CLASP2: variants seen among roughly 807,000 people sequenced by gnomAD.
CLASP2 encodes cytoplasmic linker associated protein 2, also known as CLIP-associating protein 2.
CLASP2 carries 47 observed loss-of-function variants against 194.4 expected under a neutral mutation model. That is an observed-to-expected ratio of 0.24 (90% CI 0.19 to 0.31). CLASP2 has a LOEUF of 0.31. Among genes scored for constraint, CLASP2 ranks in the 10% least tolerant of loss-of-function variants. The pLI, the probability that CLASP2 is intolerant of heterozygous loss-of-function variation, is 1.00. For synonymous variants in CLASP2, 619 were observed against 633.5 expected (o/e 0.98, Z 0.34); for missense variants, 1,445 against 1,823.6 (o/e 0.79, Z 3.78).
intron 11 of CLASP2, among the ~76,000 whole-genome samples, chr3:33,621,687 G>A (rs2077136491): frequency 6.6e-6 from 1 of 152,130 alleles, no homozygotes; most frequent in African/African-American, 2.4e-5. Context: ...GTAATAAATA[G>A]AAGTTCTATC....
At chr3:33,540,793 G>A (rs548518744) in intron 32 of CLASP2, among the ~76,000 whole-genome samples, 2 of 136,198 alleles carry the variant, frequency 1.5e-5, no homozygotes, top group South Asian at 4.6e-4. Context: ...TTTTTTTTGA[G>A]ACGGAGCCTT....
intron 6 of CLASP2, among the ~76,000 whole-genome samples, chr3:33,674,006 A>T (rs897225675): frequency 2.0e-5 from 3 of 152,130 alleles, no homozygotes; most frequent in African/African-American, 7.2e-5. Context: ...AGACTTTAAC[A>T]CCCCACTGTC....
chr3:33,629,480 A>G (rs917837608), intron 9 of CLASP2, among the ~76,000 whole-genome samples: 2 of 152,196 alleles, frequency 1.3e-5, no homozygotes, highest in Admixed American at 6.5e-5. Context: ...CTTATTTACT[A>G]AAGTAAGGGG....
At chr3:33,703,321 T>A (rs1180676135) in intron 1 of CLASP2, among the ~76,000 whole-genome samples, 1 of 152,110 alleles carries the variant, frequency 6.6e-6, no homozygotes, top group Non-Finnish European at 1.5e-5. Flanking sequence ...AAAAAAGATG[T>A]AAGATATATA....
At chr3:33,635,106 A>C (rs1016366022) in intron 8 of CLASP2, among the ~76,000 whole-genome samples, 1 of 151,688 alleles carries the variant, frequency 6.6e-6, no homozygotes, top group Non-Finnish European at 1.5e-5. Flanking sequence ...ACCAAAAAAA[A>C]AAACCCAGCC....
At chr3:33,558,425 A>G (rs1053497460) in intron 29 of CLASP2, 28 of 152,206 alleles carry the variant, frequency 1.8e-4, no homozygotes, top group African/African-American at 6.8e-4. Context: ...TATTTCGTGC[A>G]GGATAGAGCA....
intron 8 of CLASP2, among the ~76,000 whole-genome samples, chr3:33,640,047 G>C (rs2081001360): frequency 6.6e-6 from 1 of 152,078 alleles, no homozygotes; most frequent in South Asian, 2.1e-4. Flanking sequence ...CCTTTAAGGT[G>C]AAAATCTTCT....
At chr3:33,561,225 A>C (rs1241333866) in intron 27 of CLASP2, among the ~76,000 whole-genome samples, 2 of 152,236 alleles carry the variant, frequency 1.3e-5, no homozygotes, top group Non-Finnish European at 2.9e-5. Flanking sequence ...AAGTTTGGCC[A>C]TAATGGCTGG....
intron 21 of CLASP2, 57 bp downstream of exon 21, chr3:33,592,338 C>T: frequency 8.1e-7 from 1 of 1,228,968 alleles, no homozygotes; most frequent in Non-Finnish European, 1.2e-6. Flanking sequence ...AATACAAAAG[C>T]AACACACTTA....
chr3:33,659,118 T>A, intron 7 of CLASP2: 1 of 1,449,294 alleles, frequency 6.9e-7, no homozygotes. Context: ...GACCCAGGCC[T>A]CGCTGCAGCT....
At chr3:33,686,086 C>T (rs1318113427) in intron 5 of CLASP2, among the ~76,000 whole-genome samples, 1 of 152,124 alleles carries the variant, frequency 6.6e-6, no homozygotes, top group Non-Finnish European at 1.5e-5. Flanking sequence ...TTCCCTTGCA[C>T]AGCTCATTGT....
At chr3:33,638,295 T>G (rs1039990665) in intron 8 of CLASP2, among the ~76,000 whole-genome samples, 2 of 152,070 alleles carry the variant, frequency 1.3e-5, no homozygotes, top group Non-Finnish European at 2.9e-5. Flanking sequence ...ATTCTTTTTA[T>G]TTTTTTATTT....
intron 1 of CLASP2, among the ~76,000 whole-genome samples, chr3:33,714,252 C>T (rs2093179098): frequency 6.6e-6 from 1 of 152,056 alleles, no homozygotes; most frequent in Non-Finnish European, 1.5e-5. Context: ...TTTGAGAACT[C>T]CTGAAATTGC....
At chr3:33,660,362 A>C (rs750439050) in intron 7 of CLASP2, among the ~76,000 whole-genome samples, 2 of 152,218 alleles carry the variant, frequency 1.3e-5, no homozygotes, top group Non-Finnish European at 2.9e-5. Flanking sequence ...TACTGCATTT[A>C]GGGACTCTGC....
rs2069067833 is a variant in CLASP2 at position 33,592,621 on chromosome 3, G to T, written c.1967-125C>A. 6 of 780,218 alleles carry T rather than the reference G, an allele frequency of 7.7e-6. No individual in the cohort carries two copies. The South Asian group carries it at 9.4e-5, about 12-fold the overall frequency. The allele number at this position is 780,218 out of a possible 1,614,324, so 48.3% of individuals were successfully genotyped here. A position where few individuals can be genotyped will look rare whatever the true frequency, so the allele number is the denominator to read the frequency against. ...TGTAATAATGTAATCATCAATTACG[G>T]GTTCTATTTCTCTTAAAAATTTTAT... On this transcript the variant is annotated intron_variant, in intron 20 of 38. Transcript: ENST00000682230.
chr3:33,539,044 A>T, intron 32 of CLASP2, 102 bp from the exon 33 acceptor site: 1 of 827,834 alleles, frequency 1.2e-6, no homozygotes, highest in Non-Finnish European at 1.7e-6. Context: ...GGATTAGAGA[A>T]TGTATATTCT....
In CLASP2 at chr3:33,603,098, G is replaced by A; in HGVS notation, c.1778C>T (p.Ser593Phe). 1.9e-6 allele frequency: 3 copies of A among 1,586,152 alleles called. No individual in the cohort carries two copies. In the South Asian group the frequency reaches 3.4e-5, roughly 18 times the overall value. The change falls in exon 18 of 39, where the codon TCC becomes TTC. Residue 593 changes from serine to phenylalanine, a missense_variant. Coordinates refer to ENST00000682230, the MANE Select transcript of CLASP2 (RefSeq NM_001365631.1). ...RVSAGSSKASSLPGSLQRSRS... is the reference protein window; with the variant it reads ...RVSAGSSKASFLPGSLQRSRS... ...TGAACGCTGCAGGCTTCCTGGAAGG[G>A]AACTGGCTTTGCTGCTGCCTGCTGA... is the stretch of plus-strand genomic sequence containing the variant.
At chr3:33,652,751 C>CA (rs535271281) in intron 7 of CLASP2, among the ~76,000 whole-genome samples, 150 of 152,314 alleles carry the variant, frequency 9.8e-4, no homozygotes, top group Middle Eastern at 3.4e-3. Flanking sequence ...CATATAGACA[C>CA]ATAAAACCAA....
intron 8 of CLASP2, among the ~76,000 whole-genome samples, chr3:33,641,935 C>T (rs1405666544): frequency 2.6e-5 from 4 of 151,822 alleles, no homozygotes; most frequent in Admixed American, 1.3e-4. Context: ...ACTGAATCAC[C>T]ACCATTCAAT....
Sources: gnomAD v4.1 joint callset for allele counts (sites outside exome capture counted in the v4.1 genomes callset) on GRCh38, gnomAD v4.1.1 for gene constraint, MANE v1.5 for transcripts, NCBI Gene and HGNC (gene_info 2026-07-23, HGNC 2026-07-21) for gene names.